Variants in CD163L1 observed in about 807,000 individuals in gnomAD.
CD163L1 encodes scavenger receptor cysteine-rich type 1 protein M160.
A neutral mutation model predicts 165.4 loss-of-function variants in CD163L1; 124 were observed. That is an observed-to-expected ratio of 0.75 (90% CI 0.65 to 0.87). The LOEUF is 0.87. Ranked by LOEUF, CD163L1 falls within the 40% of genes least tolerant of loss-of-function variation. CD163L1 has a pLI of 0.00. For synonymous variants in CD163L1, 585 were observed against 662.2 expected (o/e 0.88, Z 1.79); for missense variants, 1,525 against 1,799.9 (o/e 0.85, Z 2.76).
intron 4 of CD163L1, among the ~76,000 whole-genome samples, chr12:7,409,107 C>G (rs1033080569): frequency 1.3e-5 from 2 of 152,064 alleles, no homozygotes; most frequent in Admixed American, 1.3e-4. Flanking sequence ...AAGAGATTAT[C>G]ACAGTGTTAT....
chr12:7,396,253 A>G lies in CD163L1; in HGVS notation c.1892T>C (p.Ile631Thr). 1 of 1,614,200 alleles carries G rather than the reference A, an allele frequency of 6.2e-7. No homozygotes were observed. The change falls in exon 8 of 20, where the codon ATT (isoleucine) becomes ACT (threonine). Residue 631 changes from isoleucine to threonine, a missense_variant. By Grantham distance (89) the Ile-to-Thr change is moderately conservative (BLOSUM62 -1). Transcript: ENST00000313599. ...CSQLDCPSSIIGMGLGNASTG... is the reference protein window; with the variant it reads ...CSQLDCPSSITGMGLGNASTG... ...AGAAGCGTTTCCCAGACCCATGCCA[A>G]TGATAGAAGATGGGCAGTCCAGCTG...
intron 4 of CD163L1, among the ~76,000 whole-genome samples, chr12:7,418,184 A>T: frequency 6.6e-6 from 1 of 151,896 alleles, no homozygotes; most frequent in Non-Finnish European, 1.5e-5. Flanking sequence ...TATCAAGTAC[A>T]CTCTCACACC....
chr12:7,381,530 G>A (rs1027313296), intron 8 of CD163L1, among the ~76,000 whole-genome samples: 4 of 152,164 alleles, frequency 2.6e-5, no homozygotes, highest in Non-Finnish European at 5.9e-5. Context: ...CAGGGTTTGT[G>A]AAACATGAGT....
chr12:7,367,173 T>C, intron 18 of CD163L1, 63 bp downstream of exon 18: 2 of 949,086 alleles, frequency 2.1e-6, no homozygotes, highest in Non-Finnish European at 3.3e-6. Context: ...TTCCTAAATA[T>C]CAGCGGTATT....
At chr12:7,356,565 T>C (rs1946778376) in intron 19 of CD163L1, among the ~76,000 whole-genome samples, 1 of 152,152 alleles carries the variant, frequency 6.6e-6, no homozygotes, top group African/African-American at 2.4e-5. Context: ...TAGAATTATC[T>C]TTGGGCTACG....
Position 7,374,696 on chromosome 12 carries a change from T to C in CD163L1, c.3155A>G (p.Tyr1052Cys). ...GATGGTGCCCCAGAAGCCGTCGTGA[T>C]AGATCTCTACTCTCCCGGCACAGCG... ...DSRCAGRVEI[Y>C]HDGFWGTICD... The change falls in exon 13 of 20, where the codon TAT becomes TGT. Residue 1052 changes from tyrosine (Y) to cysteine (C), a missense_variant. By Grantham distance (194) the Tyr-to-Cys change is radical (BLOSUM62 -2). Transcript: ENST00000313599. This position sits in a 1 kb window ranked among gnomAD's most constrained non-coding sequence, Gnocchi z 5.4. The C allele has an allele frequency of 6.2e-7, 1 of 1,614,178 alleles. No individual in the cohort carries two copies. The highest frequency in any genetic ancestry group is 1.1e-5 in the South Asian group (1 of 91,082).
In CD163L1 at chr12:7,374,986, G is replaced by A. The variant is rs1947233654; in HGVS notation, c.3002-63C>T. 7 of 1,438,164 alleles carry A rather than the reference G, an allele frequency of 4.9e-6. No individual in the cohort carries two copies. Among genetic ancestry groups the A allele is most frequent in the Admixed American group, 1.7e-5 (1 of 59,408 alleles). 89.1% of individuals were successfully genotyped at this position (1,438,164 alleles called of 1,614,324 possible). ...CAAAATACATGGAAAAGGTTGAAGAGTTCTGTAACAACATGGAATCTGCAA... is the reference window on the plus strand; with the variant it reads ...CAAAATACATGGAAAAGGTTGAAGAATTCTGTAACAACATGGAATCTGCAA... On this transcript the variant is annotated intron_variant, in intron 11 of 19. Coordinates refer to ENST00000313599, the MANE Select transcript of CD163L1 (RefSeq NM_174941.6). The surrounding 1 kb of genome is among the most constrained non-coding windows in gnomAD (Gnocchi z 5.4).
intron 5 of CD163L1, 25 bp from the exon 6 acceptor site, chr12:7,403,880 T>C: frequency 3.7e-6 from 6 of 1,601,102 alleles, no homozygotes; most frequent in Non-Finnish European, 5.1e-6. Context: ...CAGAGAAACG[T>C]CTGAATTGGG....
At chr12:7,396,520 T>C in intron 7 of CD163L1, 105 bp from the exon 8 acceptor site, 2 of 1,062,006 alleles carry the variant, frequency 1.9e-6, no homozygotes, top group Non-Finnish European at 2.7e-6. Flanking sequence ...AACACCAGTC[T>C]AGATGGTGCT....
chr12:7,439,806 CACCTCGA>C, intron 2 of CD163L1: 2 of 1,613,808 alleles, frequency 1.2e-6, no homozygotes, highest in South Asian at 2.2e-5. Context: ...GGATCTTCTC[CACCTCGA>C]ACACATCCTC....
At chr12:7,367,129 T>C in intron 18 of CD163L1, 107 bp downstream of exon 18, 1 of 545,174 alleles carries the variant, frequency 1.8e-6, no homozygotes, top group Non-Finnish European at 3.3e-6. Flanking sequence ...GTATTTTGTA[T>C]AAGAGGCTGA....
At chr12:7,411,527 T>C (rs1485967878) in intron 4 of CD163L1, among the ~76,000 whole-genome samples, 1 of 152,152 alleles carries the variant, frequency 6.6e-6, no homozygotes, top group African/African-American at 2.4e-5. Flanking sequence ...ACCTGGCACC[T>C]GGCACCTCCC....
rs1253798951 is a variant in CD163L1 at position 7,347,758 on chromosome 12, G to A, written c.*25-611C>T. Among the ~76,000 whole-genome samples the A allele has an allele frequency of 7.3e-5, 11 of 151,558 alleles. No individual in the cohort carries two copies. The highest frequency in any genetic ancestry group is 2.2e-4 in the African/African-American group (9 of 41,188). The stretch of plus-strand genomic sequence containing the variant: ...TGCACTCCAGCCTGGGTGACAGAGC[G>A]AGACTCCGTCTCAAAAAAAAAAAGA... On this transcript the variant is annotated intron_variant, in intron 4 of 4. Transcript: ENST00000539726. The surrounding 1 kb of genome is among the most constrained non-coding windows in gnomAD (Gnocchi z 4.2).
At chr12:7,389,544 G>A (rs1321785588) in intron 8 of CD163L1, among the ~76,000 whole-genome samples, 1 of 151,876 alleles carries the variant, frequency 6.6e-6, no homozygotes, top group Non-Finnish European at 1.5e-5. Context: ...AGAGAAGGTG[G>A]CAATGGTGAA....
chr12:7,361,934 G>A (rs970658292), intron 18 of CD163L1, among the ~76,000 whole-genome samples: 2 of 151,612 alleles, frequency 1.3e-5, no homozygotes, highest in Admixed American at 6.6e-5. Flanking sequence ...CCAGCCCCTG[G>A]AAACTACCAT....
At position 7,426,017 on chromosome 12, in the gene CD163L1, A is replaced by G. The variant is rs756374601; in HGVS notation, c.766+6399T>C. On this transcript the variant is annotated intron_variant, in intron 4 of 19. Transcript: ENST00000313599. ...ATATGTTTATTGCAGTACTATTTACAAAAGCAAAGACTTGGAACCAACCCA... is the reference window on the plus strand; with the variant it reads ...ATATGTTTATTGCAGTACTATTTACGAAAGCAAAGACTTGGAACCAACCCA... Among the ~76,000 whole-genome samples, 7 of 152,350 alleles carry G rather than the reference A, an allele frequency of 4.6e-5. No individual in the cohort carries two copies. The South Asian group carries it at 1.4e-3, about 32-fold the overall frequency.
At chr12:7,421,838 G>A (rs1389508622) in intron 4 of CD163L1, among the ~76,000 whole-genome samples, 2 of 151,386 alleles carry the variant, frequency 1.3e-5, no homozygotes, top group Admixed American at 1.3e-4. Flanking sequence ...TCATAAGTGG[G>A]AGCTAAGCTA....
At chr12:7,327,821 T>C in the CD163L1 span, among the ~76,000 whole-genome samples, 1 of 152,162 alleles carries the variant, frequency 6.6e-6, no homozygotes, top group East Asian at 1.9e-4. Context: ...TAGTCTTATT[T>C]TGAGAGAAGA....
At position 7,398,711 on chromosome 12, in the gene CD163L1, A is replaced by G. The variant is rs7487128; in HGVS notation, c.1409-127T>C. On this transcript the variant is annotated intron_variant, in intron 6 of 19. Transcript: ENST00000313599. The surrounding 1 kb of genome is among the most constrained non-coding windows in gnomAD (Gnocchi z 4.5). ...AGGTGATATATTAGGCACACTTTTG[A>G]ATGAAAAGTTTGGTTTTCTTTCTTT... The G allele has an allele frequency of 0.066, 47,344 of 716,230 alleles. 3,622 individuals carry two copies. Among genetic ancestry groups the G allele is most frequent in the African/African-American group, 0.29 (15,606 of 54,634 alleles). 44.4% of individuals were successfully genotyped at this position (716,230 alleles called of 1,614,324 possible).
Sources: gnomAD v4.1 joint callset for allele counts (sites outside exome capture counted in the v4.1 genomes callset) on GRCh38, gnomAD v4.1.1 for gene constraint, Gnocchi (gnomAD v3.1) non-coding constraint, MANE v1.5 for transcripts, NCBI Gene and HGNC (gene_info 2026-07-23, HGNC 2026-07-21) for gene names.